TAS2R1: variants seen among roughly 807,000 people sequenced by gnomAD.
The protein encoded by TAS2R1 is taste receptor type 2 member 1.
For synonymous variants in TAS2R1, 141 were observed against 134.2 expected, an observed-to-expected ratio of 1.05 and a Z score of -0.35; for missense variants, 370 against 353.4, an observed-to-expected ratio of 1.05 and a Z score of -0.38.
At chr5:9,780,085 C>A in the TAS2R1 span, among the ~76,000 whole-genome samples, 1 of 152,204 alleles carries the variant, frequency 6.6e-6, no homozygotes, top group Non-Finnish European at 1.5e-5. Context: ...CCTGCACCAT[C>A]AGTTTTCCCC....
chr5:9,868,217 G>C, the TAS2R1 span, among the ~76,000 whole-genome samples: 2 of 152,234 alleles, frequency 1.3e-5, no homozygotes, highest in African/African-American at 4.8e-5. Context: ...ACTCTGTGTA[G>C]GGGCTCTAAC....
At chr5:9,742,187 C>T in the TAS2R1 span, among the ~76,000 whole-genome samples, 1 of 152,150 alleles carries the variant, frequency 6.6e-6, no homozygotes, top group African/African-American at 2.4e-5. Context: ...GTCTGGCCTG[C>T]ACAAACAAGA....
chr5:9,901,393 A>G, the TAS2R1 span, among the ~76,000 whole-genome samples: 512 of 152,190 alleles, frequency 3.4e-3, 9 homozygotes, highest in African/African-American at 0.012. Context: ...AAAAGAGGGC[A>G]TGGCCAAAAG....
At chr5:9,683,071 T>C (rs1294608950) in intron 1 of TAS2R1, among the ~76,000 whole-genome samples, 2 of 152,242 alleles carry the variant, frequency 1.3e-5, no homozygotes, top group East Asian at 3.8e-4. Context: ...AGTATTGTTA[T>C]TTAAAGTATT....
chr5:9,685,649 G>T (rs570469806), intron 1 of TAS2R1, among the ~76,000 whole-genome samples: 1 of 152,224 alleles, frequency 6.6e-6, no homozygotes, highest in African/African-American at 2.4e-5. Context: ...ACTTTGGATG[G>T]CTTCTGTGCA....
rs1739846270 is a variant in TAS2R1 at position 9,630,121 on chromosome 5, GGACTCCTCTGGGGAA to G, written c.-104_-90del. 9.1e-7 allele frequency: 1 copy of G among 1,101,526 alleles called. No individual in the cohort carries two copies. Among genetic ancestry groups the G allele is most frequent in the East Asian group, 2.6e-5 (1 of 38,304 alleles). The allele number at this position is 1,101,526 out of a possible 1,614,324, so 68.2% of individuals were successfully genotyped here. ...TTGTTCACGCTCTTCAATTAGATCA[GGACTCCTCTGGGGAA>G]GAAGACTAACAATAAAGGCATGGGG... On this transcript the variant is annotated 5_prime_UTR_variant, in exon 1 of 1. Transcript: ENST00000382492.
the TAS2R1 span, among the ~76,000 whole-genome samples, chr5:9,789,983 T>G: frequency 1.3e-5 from 2 of 152,242 alleles, no homozygotes; most frequent in Non-Finnish European, 2.9e-5. Flanking sequence ...GTGTGATGGC[T>G]CCTAAGGCCT....
intron 1 of TAS2R1, among the ~76,000 whole-genome samples, chr5:9,683,479 A>T (rs1030181249): frequency 2.0e-5 from 3 of 152,182 alleles, no homozygotes; most frequent in African/African-American, 7.2e-5. Flanking sequence ...CAGTGGCTTT[A>T]CCCGTAAGCC....
chr5:9,634,082 T>C (rs941578354), upstream of TAS2R1, among the ~76,000 whole-genome samples: 11 of 152,046 alleles, frequency 7.2e-5, no homozygotes, highest in African/African-American at 2.7e-4. Flanking sequence ...TTAGGTGTTA[T>C]ATTTAGGTCT....
chr5:9,686,282 T>C (rs140086363), intron 1 of TAS2R1, among the ~76,000 whole-genome samples: 2,496 of 152,324 alleles, frequency 0.016, 71 homozygotes, highest in African/African-American at 0.058. Flanking sequence ...AATGCCAGCA[T>C]GTCACCAACA....
chr5:9,745,826 C>T, the TAS2R1 span, among the ~76,000 whole-genome samples: 1 of 152,094 alleles, frequency 6.6e-6, no homozygotes, highest in Admixed American at 6.5e-5. Context: ...TAGAAAAAAG[C>T]TAGGCAATAT....
At chr5:9,816,526 C>G in the TAS2R1 span, among the ~76,000 whole-genome samples, 26 of 141,312 alleles carry the variant, frequency 1.8e-4, 1 homozygote, top group East Asian at 5.5e-3. Context: ...ATTGAAAAAT[C>G]TATTGCTTTT....
At chr5:9,706,441 G>A (rs1316675253) in intron 1 of TAS2R1, among the ~76,000 whole-genome samples, 2 of 152,206 alleles carry the variant, frequency 1.3e-5, no homozygotes, top group Non-Finnish European at 2.9e-5. Context: ...CAGACTCTCA[G>A]AGGCCACAGC....
At chr5:9,879,786 G>A in the TAS2R1 span, among the ~76,000 whole-genome samples, 1 of 152,190 alleles carries the variant, frequency 6.6e-6, no homozygotes, top group African/African-American at 2.4e-5. Flanking sequence ...AAATTGTATG[G>A]TGAAATGTCT....
chr5:9,868,817 A>G, the TAS2R1 span, among the ~76,000 whole-genome samples: 2 of 152,098 alleles, frequency 1.3e-5, no homozygotes, highest in African/African-American at 4.8e-5. Context: ...CATACCCTAA[A>G]TTATCTCTCT....
intron 2 of TAS2R1, among the ~76,000 whole-genome samples, chr5:9,654,565 TG>T (rs1262199512): frequency 7.9e-5 from 12 of 152,126 alleles, no homozygotes; most frequent in African/African-American, 1.4e-4. Context: ...AATCAGCCCA[TG>T]GGAATAAGTG....
At chr5:9,815,968 T>C in the TAS2R1 span, among the ~76,000 whole-genome samples, 1 of 152,202 alleles carries the variant, frequency 6.6e-6, no homozygotes, top group East Asian at 1.9e-4. Context: ...TTTTTAAAAA[T>C]ATATGTGTAT....
Position 9,630,222 on chromosome 5 carries a change from A to T in TAS2R1, c.-190T>A. The stretch of plus-strand genomic sequence containing the variant: ...TTCTCTATTTAGTTCTGAGACAGTC[A>T]AATAAGGAGGAGATACTCTAGCATC... On this transcript the variant is annotated 5_prime_UTR_variant, in exon 1 of 1. The change abolishes the stop of an existing upstream ORF in the 5' untranslated region. Transcript: ENST00000382492. 2.2e-6 allele frequency: 1 copy of T among 450,870 alleles called. No homozygotes were observed. The highest frequency in any genetic ancestry group is 3.9e-5 in the Admixed American group (1 of 25,484). The allele number at this position is 450,870 out of a possible 1,614,324, so 27.9% of individuals were successfully genotyped here.
chr5:9,845,186 AG>A, the TAS2R1 span, among the ~76,000 whole-genome samples: 1 of 152,106 alleles, frequency 6.6e-6, no homozygotes, highest in Non-Finnish European at 1.5e-5. Context: ...TTATAAGAAG[AG>A]GAAGAAAGAG....
Sources: gnomAD v4.1 joint callset for allele counts (sites outside exome capture counted in the v4.1 genomes callset) on GRCh38, gnomAD v4.1.1 for gene constraint, MANE v1.5 for transcripts, NCBI Gene and HGNC (gene_info 2026-07-23, HGNC 2026-07-21) for gene names.